The following VPS13B variants were observed in gnomAD, a reference collection of about 807,000 sequenced individuals.
VPS13B encodes the protein intermembrane lipid transfer protein VPS13B.
In VPS13B, 285 loss-of-function variants were observed where a neutral mutation model predicts 426.4. The ratio of observed to expected loss-of-function variants is 0.67; its 90% CI spans 0.61 to 0.74. The LOEUF (loss-of-function observed/expected upper bound fraction) is 0.74, where lower values mean the gene tolerates loss of function less well. VPS13B is among the 30% of genes least tolerant of loss of function. The pLI, the probability that VPS13B is intolerant of heterozygous loss-of-function variation, is 0.00. For synonymous variants in VPS13B, 1,676 were observed against 1,676.4 expected (o/e 1.00, Z 0.01); for missense variants, 4,537 against 4,782.6 (o/e 0.95, Z 1.51).
chr8:99,336,637 A>C (rs1485186765), intron 19 of VPS13B, among the ~76,000 whole-genome samples: 1 of 152,238 alleles, frequency 6.6e-6, no homozygotes, highest in Non-Finnish European at 1.5e-5. Context: ...GATATCCAGA[A>C]TCTACAATGA....
In VPS13B at chr8:99,817,817, T is replaced by C; in HGVS notation, c.8361+14T>C. ...ATTGTCATTCAGGTTTGAAAAGACG[T>C]TCAATCTAGAATAGAGCAGCTTTAC... On this transcript the variant is annotated intron_variant, in intron 45 of 61. Transcript: ENST00000357162. The C allele has an allele frequency of 6.2e-7, 1 of 1,613,994 alleles. No individual in the cohort carries two copies.
chr8:99,865,830 A>G (rs1489861104), intron 58 of VPS13B, among the ~76,000 whole-genome samples: 1 of 152,200 alleles, frequency 6.6e-6, no homozygotes, highest in East Asian at 1.9e-4. Flanking sequence ...ATTACACCAC[A>G]TGGTAAAGGC....
At chr8:99,659,561 G>A (rs1830145197) in intron 34 of VPS13B, among the ~76,000 whole-genome samples, 1 of 152,044 alleles carries the variant, frequency 6.6e-6, no homozygotes, top group Admixed American at 6.6e-5. Context: ...ACATTATTTT[G>A]CTACTTGGAA....
intron 34 of VPS13B, among the ~76,000 whole-genome samples, chr8:99,649,335 T>C (rs1829714150): frequency 6.6e-6 from 1 of 152,128 alleles, no homozygotes; most frequent in Admixed American, 6.6e-5. Context: ...ACCAATCTCT[T>C]TCTCTTCTCC....
chr8:99,541,273 G>A (rs1823601381), intron 30 of VPS13B, among the ~76,000 whole-genome samples: 1 of 151,936 alleles, frequency 6.6e-6, no homozygotes, highest in South Asian at 2.1e-4. Context: ...AACCCTATGT[G>A]GCTAAAGCTT....
chr8:99,776,427 A>G (rs971874013), intron 40 of VPS13B, among the ~76,000 whole-genome samples: 1 of 152,148 alleles, frequency 6.6e-6, no homozygotes, highest in African/African-American at 2.4e-5. Flanking sequence ...CTCAACCACC[A>G]AGTAGCTGAG....
intron 17 of VPS13B, among the ~76,000 whole-genome samples, chr8:99,264,723 T>C (rs1460894987): frequency 6.6e-6 from 1 of 152,202 alleles, no homozygotes; most frequent in Admixed American, 6.5e-5. Context: ...ATGTGTGTGT[T>C]TTTTTCATTT....
At chr8:99,020,093 A>G (rs1246919288) in intron 2 of VPS13B, among the ~76,000 whole-genome samples, 1 of 151,800 alleles carries the variant, frequency 6.6e-6, no homozygotes, top group Non-Finnish European at 1.5e-5. Context: ...CATTCCTACC[A>G]GCAATGTGCA....
At chr8:99,248,022 A>C (rs949118435) in intron 17 of VPS13B, among the ~76,000 whole-genome samples, 1 of 152,342 alleles carries the variant, frequency 6.6e-6, no homozygotes, top group South Asian at 2.1e-4. Flanking sequence ...CACTTTAGGC[A>C]GGTGCTTTTT....
At chr8:99,446,068 C>T (rs1399219678) in intron 23 of VPS13B, among the ~76,000 whole-genome samples, 1 of 152,162 alleles carries the variant, frequency 6.6e-6, no homozygotes, top group Admixed American at 6.6e-5. Context: ...TGCATTTGGC[C>T]ATGAGCCACA....
chr8:99,242,501 G>C (rs1816987723), intron 17 of VPS13B, among the ~76,000 whole-genome samples: 1 of 151,996 alleles, frequency 6.6e-6, no homozygotes, highest in Admixed American at 6.6e-5. Context: ...ATAAATATTT[G>C]CAAATGGAGC....
At chr8:99,335,275 T>C (rs919662877) in intron 19 of VPS13B, among the ~76,000 whole-genome samples, 4 of 152,180 alleles carry the variant, frequency 2.6e-5, no homozygotes, top group Non-Finnish European at 5.9e-5. Flanking sequence ...TTGCTAGCAG[T>C]CTATCGATTT....
chr8:99,054,356 T>C (rs1338443124), intron 3 of VPS13B, among the ~76,000 whole-genome samples: 1 of 152,236 alleles, frequency 6.6e-6, no homozygotes, highest in Non-Finnish European at 1.5e-5. Flanking sequence ...CTTTGGATAG[T>C]GTCTATCTTA....
intron 17 of VPS13B, among the ~76,000 whole-genome samples, chr8:99,220,585 A>C (rs1815653838): frequency 6.6e-6 from 1 of 152,130 alleles, no homozygotes; most frequent in Non-Finnish European, 1.5e-5. Flanking sequence ...AAAGGTAATA[A>C]AATTAGAAAC....
intron 17 of VPS13B, among the ~76,000 whole-genome samples, chr8:99,203,586 G>C (rs1336191162): frequency 1.9e-4 from 29 of 152,176 alleles, no homozygotes; most frequent in Non-Finnish European, 1.0e-4. Flanking sequence ...TCTCTTTGCA[G>C]ATGACATGAT....
In VPS13B at chr8:99,086,373, A is replaced by C. The variant is rs117801229; in HGVS notation, c.292-9939A>C. Among the ~76,000 whole-genome samples, 27 of 152,090 alleles carry C rather than the reference A, an allele frequency of 1.8e-4. No individual in the cohort carries two copies. In the East Asian group the frequency reaches 4.6e-3, roughly 26 times the overall value. ...TTAGTCATTCGTCTAATTTTTTTTC[A>C]AGGTTTGTAACTTCTGTGCCATTGG... On this transcript the variant is annotated intron_variant, in intron 3 of 61. Coordinates refer to ENST00000357162, the MANE Select transcript of VPS13B (RefSeq NM_152564.5).
Position 99,862,024 on chromosome 8 carries a change from C to T in VPS13B, c.11215+78C>T, listed in dbSNP as rs1423292534. 1.2e-5 allele frequency: 17 copies of T among 1,466,060 alleles called. No individual in the cohort carries two copies. In the East Asian group the frequency reaches 2.2e-4, roughly 19 times the overall value. The allele number at this position is 1,466,060 out of a possible 1,614,324, so 90.8% of individuals were successfully genotyped here. A position where few individuals can be genotyped will look rare whatever the true frequency, so the allele number is the denominator to read the frequency against. ...AGGGTCTCCCAGGACTGGGCAACTT[C>T]GCCTTCTGCCTGGGAATGACCAGGA... On this transcript the variant is annotated intron_variant, in intron 58 of 61. Coordinates refer to ENST00000357162, the MANE Select transcript of VPS13B (RefSeq NM_152564.5).
At chr8:99,654,982 C>G (rs1272384604) in intron 34 of VPS13B, among the ~76,000 whole-genome samples, 1 of 152,118 alleles carries the variant, frequency 6.6e-6, no homozygotes, top group Non-Finnish European at 1.5e-5. Flanking sequence ...TTCCTCCTAC[C>G]CTACTCTAGC....
intron 17 of VPS13B, among the ~76,000 whole-genome samples, chr8:99,232,441 C>T (rs1374629047): frequency 6.6e-6 from 1 of 151,618 alleles, no homozygotes; most frequent in Non-Finnish European, 1.5e-5. Context: ...TAGGTCACCT[C>T]GAAGCTCCTC....
Sources: gnomAD v4.1 joint callset for allele counts (sites outside exome capture counted in the v4.1 genomes callset) on GRCh38, gnomAD v4.1.1 for gene constraint, MANE v1.5 for transcripts, NCBI Gene and HGNC (gene_info 2026-07-23, HGNC 2026-07-21) for gene names.